Variants in NLN observed in about 807,000 individuals in gnomAD.
NLN encodes the protein neurolysin, also known as neurolysin, mitochondrial.
Under a neutral mutation model 79.9 loss-of-function variants are expected in NLN, and 64 were observed. That is an observed-to-expected ratio of 0.80 (90% CI 0.65 to 0.99). The LOEUF is 0.99. Among genes scored for constraint, NLN ranks in the 50% least tolerant of loss-of-function variants. The pLI is 0.00. For missense variants in NLN, 835 were observed against 858.7 expected (o/e 0.97, Z 0.34); for synonymous variants, 267 against 296.6 (o/e 0.90, Z 1.02).
chr5:65,766,101 C>G (rs1417353105), intron 3 of NLN, among the ~76,000 whole-genome samples: 1 of 152,146 alleles, frequency 6.6e-6, no homozygotes, highest in East Asian at 1.9e-4. Flanking sequence ...ATTAGTTGGA[C>G]AGTTCTGACT....
chr5:65,785,169 A>G (rs1309821), intron 6 of NLN, among the ~76,000 whole-genome samples: 52,623 of 152,026 alleles, frequency 0.35, 10,714 homozygotes, highest in East Asian at 0.65. Context: ...CTCTGCTTTC[A>G]ATTATCTTTG....
chr5:65,789,580 C>G (rs912275186), intron 8 of NLN, among the ~76,000 whole-genome samples: 1 of 152,136 alleles, frequency 6.6e-6, no homozygotes, highest in Non-Finnish European at 1.5e-5. Context: ...AGTTCAAGAT[C>G]AGCCTGGCCA....
In NLN at chr5:65,758,561, T is replaced by C. The variant is rs1240200129; in HGVS notation, c.42-6T>C. ...TAATTCTTATTCTTTTTCTGATTCT[T>C]TTTAGAGTTGGTGGTTCCAGGATTT... On this transcript the variant is annotated splice_region_variant and splice_polypyrimidine_tract_variant and intron_variant, in intron 1 of 12. Transcript: ENST00000380985. 1 of 1,596,066 alleles carries C rather than the reference T, an allele frequency of 6.3e-7. No homozygotes were observed. The highest frequency in any genetic ancestry group is 2.2e-5 in the East Asian group (1 of 44,626).
rs749613111 is a variant in NLN, at chr5:65,822,864, T to C, written c.2064T>C (p.Arg688=). ...GMDMLHNFLK[R]EPNQKAFLMS... The stretch of plus-strand genomic sequence containing the variant: ...ACATGCTCCACAATTTCTTGAAACG[T>C]GAGCCAAACCAAAAAGCGTTCCTAA... The change falls in exon 13 of 13, where the codon CGT becomes CGC. Residue 688 remains arginine, a synonymous_variant. Coordinates refer to ENST00000380985, the MANE Select transcript of NLN (RefSeq NM_020726.5). The C allele has an allele frequency of 1.9e-6, 3 of 1,612,278 alleles. No individual in the cohort carries two copies. The South Asian group carries it at 3.3e-5, about 18-fold the overall frequency.
At chr5:65,782,120 G>T (rs1377710085) in intron 6 of NLN, among the ~76,000 whole-genome samples, 2 of 152,206 alleles carry the variant, frequency 1.3e-5, no homozygotes, top group Non-Finnish European at 2.9e-5. Context: ...GGAAGATTCT[G>T]TACTATGGTG....
Position 65,803,889 on chromosome 5 carries a change from C to T in NLN, c.1528-5626C>T, listed in dbSNP as rs138175292. On this transcript the variant is annotated intron_variant, in intron 9 of 12. Transcript: ENST00000380985. Reference sequence around the variant, plus strand: ...CCAGCCACGCTTCCCCCACTGCAGCCGAGATGGGCCACCACTGCCATCAGT... The same window carrying T: ...CCAGCCACGCTTCCCCCACTGCAGCTGAGATGGGCCACCACTGCCATCAGT... Among the ~76,000 whole-genome samples, 321 of 152,328 alleles carry T rather than the reference C, an allele frequency of 2.1e-3. 1 individual carries two copies. Among genetic ancestry groups the T allele is most frequent in the African/African-American group, 7.4e-3 (307 of 41,570 alleles).
At chr5:65,809,744 T>C (rs751088148) in intron 10 of NLN, 43 bp downstream of exon 10, 1 of 1,435,608 alleles carries the variant, frequency 7.0e-7, no homozygotes, top group Non-Finnish European at 9.5e-7. Flanking sequence ...TTAGAATCTC[T>C]TAATGTAGAA....
chr5:65,737,696 C>G (rs540197965), intron 1 of NLN, among the ~76,000 whole-genome samples: 9 of 152,230 alleles, frequency 5.9e-5, no homozygotes, highest in Admixed American at 3.3e-4. Flanking sequence ...ATTTCAAGCC[C>G]TATATAAAGT....
intron 6 of NLN, among the ~76,000 whole-genome samples, chr5:65,784,131 G>C (rs1173206961): frequency 6.6e-6 from 1 of 152,204 alleles, no homozygotes; most frequent in African/African-American, 2.4e-5. Context: ...AATGCAGGTA[G>C]TGTGACCTCA....
At chr5:65,749,284 A>G (rs566506687) in intron 1 of NLN, among the ~76,000 whole-genome samples, 1 of 152,340 alleles carries the variant, frequency 6.6e-6, no homozygotes, top group South Asian at 2.1e-4. Flanking sequence ...GATGACAGCA[A>G]CAAAGAGAGT....
chr5:65,803,728 T>C (rs760037789), intron 9 of NLN, among the ~76,000 whole-genome samples: 22 of 151,906 alleles, frequency 1.4e-4, no homozygotes, highest in Non-Finnish European at 3.1e-4. Context: ...AGCACAGGCA[T>C]ACCTGGGTCA....
At chr5:65,804,320 G>A (rs1490338406) in intron 9 of NLN, among the ~76,000 whole-genome samples, 1 of 152,084 alleles carries the variant, frequency 6.6e-6, no homozygotes, top group African/African-American at 2.4e-5. Context: ...ATTATTTTGG[G>A]ATTTAAATCA....
intron 6 of NLN, among the ~76,000 whole-genome samples, chr5:65,784,626 AG>A (rs1434196378): frequency 6.6e-6 from 1 of 152,252 alleles, no homozygotes; most frequent in Admixed American, 6.5e-5. Flanking sequence ...AATTCCCAAA[AG>A]GCCCTGCCAT....
At chr5:65,792,431 C>T in intron 8 of NLN, 23 bp from the exon 9 acceptor site, 1 of 1,564,170 alleles carries the variant, frequency 6.4e-7, no homozygotes, top group East Asian at 2.2e-5. Context: ...CCTATGTTGC[C>T]AACGCGTGTT....
intron 1 of NLN, 92 bp downstream of exon 1, chr5:65,722,506 C>A (rs1579896522): frequency 1.7e-6 from 2 of 1,175,716 alleles, no homozygotes; most frequent in African/African-American, 1.6e-5. Flanking sequence ...CCTTCCCGAC[C>A]GCGCCTCTCC....
In NLN at chr5:65,826,934, A is replaced by G. The variant is rs2150782353; in HGVS notation, c.*4019A>G. 1 of 151,950 alleles carries G rather than the reference A, an allele frequency of 6.6e-6. No homozygotes were observed. The highest frequency in any genetic ancestry group is 2.4e-5 in the African/African-American group (1 of 41,444). The allele number at this position is 151,950 out of a possible 1,614,324, so 9.4% of individuals were successfully genotyped here. A position where few individuals can be genotyped will look rare whatever the true frequency, so the allele number is the denominator to read the frequency against. Reference sequence around the variant, plus strand: ...AATAAAAAAAAAAGGAAAAGGAAAGACATACATACCCTCAGTTCTTCGAAA... The same window carrying G: ...AATAAAAAAAAAAGGAAAAGGAAAGGCATACATACCCTCAGTTCTTCGAAA... On this transcript the variant is annotated 3_prime_UTR_variant, in exon 13 of 13. Coordinates refer to ENST00000380985, the MANE Select transcript of NLN (RefSeq NM_020726.5).
Position 65,763,025 on chromosome 5 carries a change from A to G in NLN, c.367A>G (p.Thr123Ala), listed in dbSNP as rs1374564718. Residue 123 changes from threonine to alanine, a missense_variant, in exon 3 of 13, where the codon ACA becomes GCA. By Grantham distance (58) the Thr-to-Ala change is moderately conservative (BLOSUM62 0). Coordinates refer to ENST00000380985, the MANE Select transcript of NLN (RefSeq NM_020726.5). ...SSDKEVRAAS[T>A]EADKRLSRFD... ...TGACAAAGAAGTACGAGCAGCAAGT[A>G]CAGAAGCAGACAAAAGACTTTCTCG... is the stretch of plus-strand genomic sequence containing the variant. The G allele has an allele frequency of 1.2e-6, 2 of 1,613,972 alleles. No homozygotes were observed. The highest frequency in any genetic ancestry group is 1.7e-6 in the Non-Finnish European group (2 of 1,179,880).
chr5:65,726,684 T>A (rs2548782), intron 1 of NLN, among the ~76,000 whole-genome samples: 36,009 of 152,116 alleles, frequency 0.24, 4,398 homozygotes, highest in African/African-American at 0.27. Flanking sequence ...AAAAAATTAT[T>A]ACCTTGTTAG....
intron 9 of NLN, among the ~76,000 whole-genome samples, chr5:65,802,188 A>G (rs1760299808): frequency 6.6e-6 from 1 of 152,222 alleles, no homozygotes; most frequent in Non-Finnish European, 1.5e-5. Flanking sequence ...CTCAGCTCGC[A>G]CTACTGGCCT....
Sources: allele counts gnomAD v4.1 joint callset (sites outside exome capture counted in the v4.1 genomes callset), GRCh38; gene constraint gnomAD v4.1.1; transcripts MANE v1.5; gene names NCBI Gene and HGNC (gene_info 2026-07-23, HGNC 2026-07-21).